CHST11: variants seen among roughly 807,000 people sequenced by gnomAD.
CHST11 encodes carbohydrate sulfotransferase 11, also known as C4S-1.
A neutral mutation model predicts 30.4 loss-of-function variants in CHST11; 9 were observed. The ratio of observed to expected loss-of-function variants is 0.30; its 90% CI spans 0.18 to 0.52. CHST11 has a LOEUF of 0.52. Ranked by LOEUF, CHST11 falls within the 20% of genes least tolerant of loss-of-function variation. The pLI is 0.97. For synonymous variants in CHST11, 152 were observed against 187.8 expected (o/e 0.81, Z 1.56); for missense variants, 348 against 460.6 (o/e 0.76, Z 2.24).
chr12:104,554,119 T>C (rs2038432193), intron 1 of CHST11, among the ~76,000 whole-genome samples: 1 of 152,216 alleles, frequency 6.6e-6, no homozygotes, highest in Non-Finnish European at 1.5e-5. Context: ...TTATATAATG[T>C]AATCATGGAA....
intron 2 of CHST11, among the ~76,000 whole-genome samples, chr12:104,703,247 TGACACCTCGGGCCTCTCG>T (rs1429891286): frequency 6.6e-6 from 1 of 152,196 alleles, no homozygotes; most frequent in Non-Finnish European, 1.5e-5. Context: ...ATGAGGCAGC[TGACACCTCGGGCCTCTCG>T]GACCCCAGAC....
chr12:104,503,746 C>A (rs981989105), intron 1 of CHST11, among the ~76,000 whole-genome samples: 3 of 152,120 alleles, frequency 2.0e-5, no homozygotes, highest in Non-Finnish European at 4.4e-5. Context: ...CTGGCCACCA[C>A]CAGTGGGACA....
At chr12:104,658,632 TC>T (rs944111943) in intron 2 of CHST11, among the ~76,000 whole-genome samples, 2 of 152,174 alleles carry the variant, frequency 1.3e-5, no homozygotes, top group African/African-American at 4.8e-5. Flanking sequence ...CTCTGGCACT[TC>T]CTAGCGCCTT....
intron 1 of CHST11, among the ~76,000 whole-genome samples, chr12:104,520,020 C>T (rs1000323914): frequency 1.3e-5 from 2 of 152,204 alleles, no homozygotes; most frequent in African/African-American, 4.8e-5. Flanking sequence ...GACTGGGACT[C>T]CATCAGGGAA....
chr12:104,586,005 CAA>C lies in CHST11; in HGVS notation c.119-15899_119-15898del, dbSNP rs774779157. On this transcript the variant is annotated intron_variant, in intron 1 of 2. Coordinates refer to ENST00000303694, the MANE Select transcript of CHST11 (RefSeq NM_018413.6). ...CACTTAATTTAACTCATTATATCTG[CAA>C]AGACTCTATTTCCGGAGGTCACCTT... 3.3e-5 allele frequency among the ~76,000 whole-genome samples: 5 copies of C among 152,162 alleles called. No individual in the cohort carries two copies. The East Asian group carries it at 9.6e-4, about 29-fold the overall frequency.
chr12:104,612,693 G>A (rs919619728), intron 2 of CHST11, among the ~76,000 whole-genome samples: 4 of 152,166 alleles, frequency 2.6e-5, no homozygotes, highest in Non-Finnish European at 5.9e-5. Context: ...TAAAGGATCA[G>A]GGTTGGCAGG....
intron 1 of CHST11, among the ~76,000 whole-genome samples, chr12:104,577,729 G>A (rs561042356): frequency 6.6e-6 from 1 of 152,304 alleles, no homozygotes; most frequent in Non-Finnish European, 1.5e-5. Context: ...TCCTATGTGT[G>A]TGTCGGGTAA....
chr12:104,494,827 A>G (rs549723254), intron 1 of CHST11, among the ~76,000 whole-genome samples: 11 of 152,354 alleles, frequency 7.2e-5, no homozygotes, highest in Non-Finnish European at 1.5e-4. Context: ...TTAAAAAAGC[A>G]CAATGTAAAC....
intron 1 of CHST11, among the ~76,000 whole-genome samples, chr12:104,457,892 G>A (rs1351948370): frequency 3.3e-5 from 5 of 151,706 alleles, no homozygotes; most frequent in African/African-American, 7.3e-5. Flanking sequence ...CGGGGGTGAG[G>A]GGCTGGTTTG....
intron 1 of CHST11, among the ~76,000 whole-genome samples, chr12:104,530,586 G>A (rs2038173450): frequency 6.6e-6 from 1 of 152,198 alleles, no homozygotes; most frequent in Admixed American, 6.5e-5. Flanking sequence ...ACATACTACA[G>A]GAAAAGGTGA....
At chr12:104,541,112 TCC>T (rs2136001478) in intron 1 of CHST11, among the ~76,000 whole-genome samples, 3 of 101,486 alleles carry the variant, frequency 3.0e-5, no homozygotes, top group African/African-American at 1.2e-4. Flanking sequence ...GCAGAATCTC[TCC>T]CTCTCTCTCT....
rs117999012 is a variant in CHST11, at chr12:104,588,306, C to A, written c.119-13600C>A. 6.1e-4 allele frequency among the ~76,000 whole-genome samples: 93 copies of A among 152,292 alleles called. 2 individuals carry two copies. Among genetic ancestry groups the A allele is most frequent in the African/African-American group, 2.1e-3 (86 of 41,546 alleles). On this transcript the variant is annotated intron_variant, in intron 1 of 2. Transcript: ENST00000303694. ...TCTACTTTCTGTGTCTATGTACTTACCAGTTCTGGACATTTTTTGCACTTC... is the reference window on the plus strand; with the variant it reads ...TCTACTTTCTGTGTCTATGTACTTAACAGTTCTGGACATTTTTTGCACTTC...
rs1208285639 is a variant in CHST11 at position 104,473,094 on chromosome 12, A to C, written c.118+15565A>C. ...GTGTCTCCTGTTTTTCAGATGATGA[A>C]ATTTAAGCTGAATTTAAACTCTCTT... On this transcript the variant is annotated intron_variant, in intron 1 of 2. Transcript: ENST00000303694. Among the ~76,000 whole-genome samples, 3 of 152,154 alleles carry C rather than the reference A, an allele frequency of 2.0e-5. No individual in the cohort carries two copies. In the South Asian group the frequency reaches 6.2e-4, roughly 32 times the overall value.
intron 2 of CHST11, among the ~76,000 whole-genome samples, chr12:104,639,883 T>C (rs1297543990): frequency 6.8e-6 from 1 of 146,108 alleles, no homozygotes; most frequent in Non-Finnish European, 1.5e-5. Context: ...AATTCAACAA[T>C]AAGAGAACAA....
intron 1 of CHST11, among the ~76,000 whole-genome samples, chr12:104,510,103 C>T (rs1016698045): frequency 1.3e-5 from 2 of 152,238 alleles, no homozygotes; most frequent in Admixed American, 6.5e-5. Flanking sequence ...ATCACTTCTT[C>T]TCCCATTCCA....
At chr12:104,733,309 C>T (rs1248229626) in intron 2 of CHST11, among the ~76,000 whole-genome samples, 1 of 152,232 alleles carries the variant, frequency 6.6e-6, no homozygotes, top group Non-Finnish European at 1.5e-5. Context: ...TCCAAGATTT[C>T]CCCATGGCAT....
rs1426955499 is a variant in CHST11, at chr12:104,457,471, C to T, written c.60C>T (p.Ala20=). ...ACAGAATCTGCCGGATGGTGCTGGC[C>T]ACTTGCTTGGGATCCTTTATCCTGG... is the stretch of plus-strand genomic sequence containing the variant. ...RMNRICRMVL[A]TCLGSFILVI... is the part of the protein sequence containing the mutation. Residue 20 remains alanine, a synonymous_variant, in exon 1 of 3, where the codon GCC becomes GCT. Transcript: ENST00000303694. The T allele has an allele frequency of 2.5e-6, 4 of 1,614,216 alleles. No homozygotes were observed. Among genetic ancestry groups the T allele is most frequent in the Admixed American group, 1.7e-5 (1 of 60,038 alleles).
At chr12:104,471,535 G>T (rs1035333667) in intron 1 of CHST11, among the ~76,000 whole-genome samples, 5 of 152,160 alleles carry the variant, frequency 3.3e-5, no homozygotes, top group African/African-American at 1.2e-4. Context: ...TAACCACAAA[G>T]GTAATTAAAT....
At chr12:104,718,254 A>G (rs1243599624) in intron 2 of CHST11, among the ~76,000 whole-genome samples, 1 of 152,242 alleles carries the variant, frequency 6.6e-6, no homozygotes, top group Non-Finnish European at 1.5e-5. Context: ...ACTTGCCTGA[A>G]GCCACACAGT....
Sources: allele counts gnomAD v4.1 joint callset (sites outside exome capture counted in the v4.1 genomes callset), GRCh38; gene constraint gnomAD v4.1.1; transcripts MANE v1.5; gene names NCBI Gene and HGNC (gene_info 2026-07-23, HGNC 2026-07-21).